DNAH6: variants seen among roughly 807,000 people sequenced by gnomAD.
The protein encoded by DNAH6 is axonemal beta dynein heavy chain 6.
In DNAH6, 340 loss-of-function variants were observed where a neutral mutation model predicts 491.4. The observed-to-expected ratio is 0.69, with a 90% CI of 0.63 to 0.76. The LOEUF (loss-of-function observed/expected upper bound fraction) is 0.76. DNAH6 is among the 30% of genes least tolerant of loss of function. The probability of loss-of-function intolerance (pLI) is 0.00; values close to 1 mark genes in which losing one functional copy is unlikely to be tolerated. For missense variants in DNAH6, 4,443 were observed against 4,972.2 expected (o/e 0.89, Z 3.20); for synonymous variants, 1,603 against 1,686.1 (o/e 0.95, Z 1.21).
intron 14 of DNAH6, among the ~76,000 whole-genome samples, chr2:84,580,367 G>C (rs919514423): frequency 2.7e-5 from 4 of 150,130 alleles, no homozygotes; most frequent in Non-Finnish European, 5.9e-5. Context: ...TGTCTCTTTT[G>C]CTTCTTTTTC....
In DNAH6 at chr2:84,642,039, A is replaced by T; in HGVS notation, c.5063A>T (p.Asp1688Val). The T allele has an allele frequency of 6.4e-7, 1 of 1,550,428 alleles. No homozygotes were observed. The highest frequency in any genetic ancestry group is 8.7e-7 in the Non-Finnish European group (1 of 1,146,122). ...DSNLPKFLTD[D>V]ALLFSGIISD... The stretch of plus-strand genomic sequence containing the variant: ...AATTTGCCAAAATTTCTAACAGATG[A>T]TGCTCTTCTGTTCAGGTAAGTTTGT... The change falls in exon 33 of 77, where the codon GAT (aspartate) becomes GTT (valine). Residue 1688 changes from aspartate to valine, a missense_variant. Physicochemically the swap from Asp to Val is radical, Grantham distance 152 (BLOSUM62 -3). Coordinates refer to ENST00000389394, the MANE Select transcript of DNAH6 (RefSeq NM_001370.2).
chr2:84,669,623 T>G (rs2104660153), intron 38 of DNAH6, 113 bp downstream of exon 38: 1 of 929,066 alleles, frequency 1.1e-6, no homozygotes, highest in East Asian at 2.6e-5. Context: ...GTTTAGCGTT[T>G]AGCACTTTTG....
chr2:84,581,199 C>T (rs1472941137), intron 14 of DNAH6, among the ~76,000 whole-genome samples: 1 of 152,216 alleles, frequency 6.6e-6, no homozygotes, highest in African/African-American at 2.4e-5. Context: ...GGGTCAGCTG[C>T]TATCACCTTG....
chr2:84,568,671 T>C (rs932858411), intron 11 of DNAH6, among the ~76,000 whole-genome samples: 1 of 152,170 alleles, frequency 6.6e-6, no homozygotes, highest in Admixed American at 6.5e-5. Flanking sequence ...TACATTTACC[T>C]ATGTAACAAA....
chr2:84,758,937 C>A (rs545967551), intron 63 of DNAH6, among the ~76,000 whole-genome samples: 2 of 151,990 alleles, frequency 1.3e-5, no homozygotes, highest in African/African-American at 2.4e-5. Context: ...AGAGTCCTAG[C>A]CAGAGCAATC....
At chr2:84,581,770 AAATT>A (rs771242536) in intron 14 of DNAH6, among the ~76,000 whole-genome samples, 15 of 152,246 alleles carry the variant, frequency 9.9e-5, no homozygotes, top group African/African-American at 1.4e-4. Context: ...AGGAGAGAAT[AAATT>A]AATTATAAAG....
chr2:84,526,306 G>A (rs1025598248), intron 3 of DNAH6, among the ~76,000 whole-genome samples: 1 of 152,124 alleles, frequency 6.6e-6, no homozygotes, highest in African/African-American at 2.4e-5. Context: ...ATTTCTCTGA[G>A]GTTTTGGTTG....
intron 61 of DNAH6, among the ~76,000 whole-genome samples, chr2:84,729,744 A>T (rs1027453431): frequency 1.3e-5 from 2 of 152,212 alleles, no homozygotes; most frequent in Non-Finnish European, 2.9e-5. Context: ...GTCATGAGGA[A>T]ATTGGAATGA....
chr2:84,595,155 C>T (rs1684458016), intron 17 of DNAH6, among the ~76,000 whole-genome samples: 2 of 152,092 alleles, frequency 1.3e-5, no homozygotes, highest in South Asian at 2.1e-4. Context: ...TTTTCTACTG[C>T]CATCAATATA....
Position 84,701,131 on chromosome 2 carries a change from C to G in DNAH6, c.7853C>G (p.Thr2618Arg). 6.4e-7 allele frequency: 1 copy of G among 1,551,840 alleles called. No homozygotes were observed. ...GAAGCACTTCTTTCTGTGTCAAAGA[C>G]ATTTTTCTCACAAGTCGATGCTGGA... ...PREALLSVSK[T>R]FFSQVDAGNE... The change falls in exon 49 of 77, where the codon ACA (threonine) becomes AGA (arginine). Residue 2618 changes from threonine to arginine, a missense_variant. Thr to Arg is a moderately conservative substitution (Grantham distance 71). Transcript: ENST00000389394.
chr2:84,561,128 C>G (rs1217815179), intron 11 of DNAH6, among the ~76,000 whole-genome samples: 1 of 152,086 alleles, frequency 6.6e-6, no homozygotes, highest in Non-Finnish European at 1.5e-5. Context: ...CCTGTTGTTT[C>G]CTGACTTTTT....
At position 84,704,078 on chromosome 2, in the gene DNAH6, T is replaced by C; in HGVS notation, c.8241T>C (p.Thr2747=). The C allele has an allele frequency of 6.4e-7, 1 of 1,551,660 alleles. No individual in the cohort carries two copies. The highest frequency in any genetic ancestry group is 8.7e-7 in the Non-Finnish European group (1 of 1,146,952). The change falls in exon 51 of 77, where the codon ACT becomes ACC. Residue 2747 remains threonine, a synonymous_variant. Coordinates refer to ENST00000389394, the MANE Select transcript of DNAH6 (RefSeq NM_001370.2). ...DQESADQVRN[T]VQEDEATAKV... ...GTTTCAATGGTTAGGTCCGTAACAC[T>C]GTGCAGGAGGATGAAGCAACAGCAA...
chr2:84,811,242 G>A (rs946076765), intron 72 of DNAH6, among the ~76,000 whole-genome samples: 2 of 152,242 alleles, frequency 1.3e-5, no homozygotes, highest in Non-Finnish European at 2.9e-5. Flanking sequence ...CTAAGATGCT[G>A]TGCATGTGGT....
intron 74 of DNAH6, among the ~76,000 whole-genome samples, 152 bp downstream of exon 74, chr2:84,813,282 C>G (rs934349163): frequency 6.6e-6 from 1 of 152,214 alleles, no homozygotes; most frequent in African/African-American, 2.4e-5. Context: ...CTCTTCCTCA[C>G]TTGTGGGGGG....
Position 84,713,162 on chromosome 2 carries a change from G to A in DNAH6, c.9446G>A (p.Arg3149Gln), listed in dbSNP as rs1204905402. ...AAACAAATTTTTATCAGTGGTGGCC[G>A]ACTACTCATCCGTCTTGGAGACTCA... The part of the protein sequence containing the change: ...LLKQIFISGG[R>Q]LLIRLGDSDI... Residue 3149 changes from arginine (R) to glutamine (Q), a missense_variant, in exon 57 of 77, where the codon CGA becomes CAA. This residue lies in a region of DNAH6 where 1,463 missense variants were observed against 1,656.6 expected (regional missense o/e 0.88). Transcript: ENST00000389394. 30 of 1,551,552 alleles carry A rather than the reference G, an allele frequency of 1.9e-5. No homozygotes were observed. The Middle Eastern group carries it at 5.0e-4, about 26-fold the overall frequency.
intron 63 of DNAH6, among the ~76,000 whole-genome samples, chr2:84,747,274 C>T (rs748627348): frequency 9.2e-5 from 14 of 152,188 alleles, no homozygotes; most frequent in Non-Finnish European, 1.6e-4. Flanking sequence ...CTTCCACCTA[C>T]GAACCCATGA....
intron 43 of DNAH6, among the ~76,000 whole-genome samples, chr2:84,685,709 C>T (rs1041005930): frequency 2.6e-5 from 4 of 151,818 alleles, no homozygotes; most frequent in East Asian, 3.9e-4. Flanking sequence ...CCAGTACTTT[C>T]GGTGGCTGGG....
chr2:84,632,182 G>A (rs1688467762), intron 29 of DNAH6, among the ~76,000 whole-genome samples: 1 of 152,216 alleles, frequency 6.6e-6, no homozygotes, highest in Non-Finnish European at 1.5e-5. Flanking sequence ...ATCAATATTT[G>A]GAACTGCTCC....
At chr2:84,484,195 G>C in the DNAH6 span, among the ~76,000 whole-genome samples, 2 of 152,042 alleles carry the variant, frequency 1.3e-5, no homozygotes, top group Admixed American at 1.3e-4. Flanking sequence ...TCTAGTCCAG[G>C]ATATATGAGG....
Sources: gnomAD v4.1 joint callset for allele counts (sites outside exome capture counted in the v4.1 genomes callset) on GRCh38, gnomAD v4.1.1 for gene constraint, gnomAD v4.1.1 regional missense constraint, MANE v1.5 for transcripts, NCBI Gene and HGNC (gene_info 2026-07-23, HGNC 2026-07-21) for gene names.